CDYL: variants seen among roughly 807,000 people sequenced by gnomAD.
CDYL encodes chromodomain Y-like protein.
CDYL carries 8 observed loss-of-function variants against 47.3 expected under a neutral mutation model. The ratio of observed to expected loss-of-function variants is 0.17; its 90% CI spans 0.10 to 0.31. The LOEUF (loss-of-function observed/expected upper bound fraction) is 0.31. CDYL is among the 10% of genes least tolerant of loss of function. The pLI is 1.00. For missense variants in CDYL, 471 were observed against 701.4 expected (o/e 0.67, Z 3.71); for synonymous variants, 266 against 265.0 (o/e 1.00, Z -0.04).
intron 1 of CDYL, among the ~76,000 whole-genome samples, chr6:4,803,779 A>G (rs1273487757): frequency 7.5e-6 from 1 of 134,186 alleles, no homozygotes; most frequent in African/African-American, 2.8e-5. Context: ...TTTCCTGATG[A>G]CTTCTCTTCA....
At chr6:4,840,214 TG>T (rs764124865) in intron 1 of CDYL, among the ~76,000 whole-genome samples, 2 of 152,148 alleles carry the variant, frequency 1.3e-5, no homozygotes, top group African/African-American at 2.4e-5. Flanking sequence ...TCACCTTGGT[TG>T]TTGTTGGTGT....
rs61742960 is a variant in CDYL at position 4,953,921 on chromosome 6, C to T, written c.1500C>T (p.Leu500=). Residue 500 remains leucine (L), a synonymous_variant, in exon 7 of 7, where the codon CTC becomes CTT. Coordinates refer to ENST00000397588, the MANE Select transcript of CDYL (RefSeq NM_004824.4). The part of the protein sequence containing the change: ...NPVVLEESKA[L]VRCNMKMELE... ...AGGTGCTTGAGGAATCCAAAGCCCTCGTGCGCTGCAACATGAAGATGGAGC... is the reference window on the plus strand; with the variant it reads ...AGGTGCTTGAGGAATCCAAAGCCCTTGTGCGCTGCAACATGAAGATGGAGC... 9.6e-4 allele frequency: 1,554 copies of T among 1,613,560 alleles called. 26 individuals carry two copies. The African/African-American group carries it at 0.016, about 16-fold the overall frequency.
At chr6:4,724,834 G>C (rs953410128) in intron 2 of CDYL, 2 of 152,088 alleles carry the variant, frequency 1.3e-5, no homozygotes, top group South Asian at 2.1e-4. Flanking sequence ...TTATTGCAAA[G>C]AGCAAAAAAA....
intron 1 of CDYL, among the ~76,000 whole-genome samples, chr6:4,707,730 T>C (rs188956704): frequency 3.9e-5 from 6 of 152,336 alleles, no homozygotes; most frequent in Admixed American, 1.3e-4. Context: ...AAAACACTTG[T>C]TATTTTCTGA....
intron 3 of CDYL, among the ~76,000 whole-genome samples, chr6:4,749,826 T>G (rs1582309038): frequency 2.6e-5 from 4 of 152,328 alleles, no homozygotes; most frequent in Admixed American, 2.6e-4. Flanking sequence ...ATAACTTATT[T>G]TCTAAAGTGG....
intron 1 of CDYL, among the ~76,000 whole-genome samples, chr6:4,853,152 A>G (rs960862027): frequency 6.6e-6 from 1 of 152,102 alleles, no homozygotes; most frequent in African/African-American, 2.4e-5. Flanking sequence ...TTGACACAGT[A>G]AGGTAGCCAA....
At chr6:4,789,201 G>C (rs141482848) in intron 1 of CDYL, among the ~76,000 whole-genome samples, 1 of 152,128 alleles carries the variant, frequency 6.6e-6, no homozygotes, top group African/African-American at 2.4e-5. Flanking sequence ...TCAGCCTGCC[G>C]AGTAGCTGGA....
intron 1 of CDYL, among the ~76,000 whole-genome samples, chr6:4,868,847 T>C (rs1761394560): frequency 6.6e-6 from 1 of 152,242 alleles, no homozygotes; most frequent in Non-Finnish European, 1.5e-5. Flanking sequence ...ACTGAAATAC[T>C]TGAAATACTG....
intron 1 of CDYL, among the ~76,000 whole-genome samples, chr6:4,840,165 T>C (rs572955457): frequency 3.9e-5 from 6 of 152,130 alleles, no homozygotes; most frequent in East Asian, 1.9e-4. Flanking sequence ...CATTTTTTTT[T>C]CAACTATTTT....
rs115405368 is a variant in CDYL, at chr6:4,804,567, G to C, written c.24+27760G>C. ...TTCCTCCCCATCAGTAGGAAACGAT[G>C]GCCTTGGAGGCTTATTTTGCTCATC... On this transcript the variant is annotated intron_variant, in intron 1 of 6. Coordinates refer to ENST00000397588, the MANE Select transcript of CDYL (RefSeq NM_004824.4). Among the ~76,000 whole-genome samples the C allele has an allele frequency of 8.4e-3, 1,283 of 152,264 alleles. 21 individuals are homozygous for C. Among genetic ancestry groups the C allele is most frequent in the African/African-American group, 0.03 (1,231 of 41,538 alleles).
intron 3 of CDYL, 32 bp downstream of exon 3, chr6:4,935,803 C>T (rs781733923): frequency 9.3e-6 from 15 of 1,609,096 alleles, no homozygotes; most frequent in East Asian, 6.7e-5. Flanking sequence ...GCGTGGGCTT[C>T]GCGCTTCTCC....
At chr6:4,838,931 C>T (rs573839020) in intron 1 of CDYL, among the ~76,000 whole-genome samples, 40 of 152,232 alleles carry the variant, frequency 2.6e-4, no homozygotes, top group African/African-American at 8.4e-4. Flanking sequence ...ATGATCCTCC[C>T]GCCTCGGCCT....
intron 1 of CDYL, among the ~76,000 whole-genome samples, chr6:4,847,384 G>A (rs1448506436): frequency 6.6e-6 from 1 of 152,180 alleles, no homozygotes; most frequent in Admixed American, 6.5e-5. Flanking sequence ...CAGCAGCTAA[G>A]GAGCTGCTGT....
intron 3 of CDYL, among the ~76,000 whole-genome samples, chr6:4,936,863 G>A (rs1011679469): frequency 4.6e-5 from 7 of 152,174 alleles, no homozygotes; most frequent in Non-Finnish European, 1.0e-4. Context: ...CGCAATGGCT[G>A]TATAAATACT....
At position 4,935,827 on chromosome 6, in the gene CDYL, A is replaced by G. The variant is rs111635668; in HGVS notation, c.948+56A>G. 1.1e-3 allele frequency: 1,736 copies of G among 1,602,758 alleles called. 7 individuals are homozygous for G. The highest frequency in any genetic ancestry group is 7.7e-3 in the African/African-American group (575 of 74,708). ...TCGCGCTTCTCCCTGCCTGATTTCC[A>G]GGCCTGCCTGGCTGAACTGGCTCTT... On this transcript the variant is annotated intron_variant, in intron 3 of 6. Transcript: ENST00000397588.
intron 2 of CDYL, among the ~76,000 whole-genome samples, chr6:4,934,617 T>C (rs998284313): frequency 5.9e-5 from 9 of 152,216 alleles, no homozygotes; most frequent in African/African-American, 1.9e-4. Context: ...TCTACATTCA[T>C]CACCACATTG....
Position 4,892,153 on chromosome 6 carries a change from G to A in CDYL, c.465G>A (p.Val155=), listed in dbSNP as rs758774833. The A allele has an allele frequency of 1.2e-6, 2 of 1,614,240 alleles. No individual in the cohort carries two copies. Among genetic ancestry groups the A allele is most frequent in the South Asian group, 1.1e-5 (1 of 91,074 alleles). ...GCCCCGTTAAGAGCAGGACCGCAGT[G>A]GACGGCTTTCAGAGCGAGAGCCCTG... ...PKSPVKSRTA[V]DGFQSESPEK... Residue 155 remains valine, a synonymous_variant, in exon 2 of 7, where the codon GTG becomes GTA. Transcript: ENST00000397588.
At chr6:4,715,904 T>C in intron 2 of CDYL, 1 of 1,609,242 alleles carries the variant, frequency 6.2e-7, no homozygotes, top group Non-Finnish European at 8.5e-7. Context: ...AGGAATCAAA[T>C]TAGTTCTGAT....
At chr6:4,833,413 T>C (rs1252861037) in intron 1 of CDYL, among the ~76,000 whole-genome samples, 4 of 150,798 alleles carry the variant, frequency 2.7e-5, no homozygotes, top group South Asian at 2.1e-4. Context: ...TGAGTTCTAG[T>C]TTGATTGCAC....
Sources: allele counts gnomAD v4.1 joint callset (sites outside exome capture counted in the v4.1 genomes callset), GRCh38; gene constraint gnomAD v4.1.1; transcripts MANE v1.5; gene names NCBI Gene and HGNC (gene_info 2026-07-23, HGNC 2026-07-21).